Variants in TIAM1 observed in about 807,000 individuals in gnomAD.
TIAM1 encodes the protein TIAM Rac1 associated GEF 1.
TIAM1 carries 65 observed loss-of-function variants against 163.5 expected under a neutral mutation model. That is an observed-to-expected ratio of 0.40 (90% CI 0.33 to 0.49). TIAM1 has a LOEUF of 0.49. Ranked by LOEUF, TIAM1 falls within the 20% of genes least tolerant of loss-of-function variation. The probability of loss-of-function intolerance (pLI) is 0.77; values close to 1 mark genes in which losing one functional copy is unlikely to be tolerated. For missense variants in TIAM1, 1,789 were observed against 2,044.7 expected (o/e 0.87, Z 2.41); for synonymous variants, 833 against 810.1 (o/e 1.03, Z -0.48).
At chr21:31,326,282 C>G (rs1314990134) in intron 2 of TIAM1, among the ~76,000 whole-genome samples, 2 of 152,168 alleles carry the variant, frequency 1.3e-5, no homozygotes, top group Admixed American at 6.6e-5. Context: ...AGTTATGGTC[C>G]TCTCCTGTCT....
intron 1 of TIAM1, among the ~76,000 whole-genome samples, chr21:31,503,305 G>C (rs1389745496): frequency 6.6e-6 from 1 of 151,434 alleles, no homozygotes; most frequent in Non-Finnish European, 1.5e-5. Context: ...TGAGGCACAA[G>C]AATCACTTGA....
At chr21:31,168,608 G>A (rs1424144365) in intron 15 of TIAM1, among the ~76,000 whole-genome samples, 1 of 152,142 alleles carries the variant, frequency 6.6e-6, no homozygotes, top group Non-Finnish European at 1.5e-5. Flanking sequence ...CACCATGTTA[G>A]CCAGGATGGT....
In TIAM1 at chr21:31,465,101, G is replaced by A. The variant is rs114227436; in HGVS notation, c.-421-1066C>T. Among the ~76,000 whole-genome samples, 622 of 151,904 alleles carry A rather than the reference G, an allele frequency of 4.1e-3. 5 individuals carry two copies. The highest frequency in any genetic ancestry group is 0.014 in the African/African-American group (580 of 41,480). On this transcript the variant is annotated intron_variant, in intron 1 of 28. Transcript: ENST00000286827. ...TAGTCCCAGCGACTAGGAAGGCTGC[G>A]GTGAGAGGATTCCCTCAACCTGGGA...
intron 2 of TIAM1, among the ~76,000 whole-genome samples, chr21:31,430,068 G>A (rs900606526): frequency 2.0e-5 from 3 of 151,790 alleles, no homozygotes; most frequent in Non-Finnish European, 2.9e-5. Context: ...TTAGCCAGGC[G>A]TGTTGGCGGG....
rs550025367 is a variant in TIAM1 at position 31,302,249 on chromosome 21, C to T, written c.-188-25341G>A. Among the ~76,000 whole-genome samples the T allele has an allele frequency of 3.9e-5, 6 of 152,152 alleles. No homozygotes were observed. The South Asian group carries it at 1.2e-3, about 32-fold the overall frequency. ...CTTATATAAAATTAAACCTTTACAACACAAAAAGAAACCACTTCCAGTATA... is the reference window on the plus strand; with the variant it reads ...CTTATATAAAATTAAACCTTTACAATACAAAAAGAAACCACTTCCAGTATA... On this transcript the variant is annotated intron_variant, in intron 2 of 27. Transcript: ENST00000541036.
At chr21:31,520,223 C>T (rs1046658628) in intron 1 of TIAM1, among the ~76,000 whole-genome samples, 8 of 151,424 alleles carry the variant, frequency 5.3e-5, no homozygotes, top group South Asian at 2.1e-4. Context: ...CCAAGCTACT[C>T]GGGAGGCTGG....
chr21:31,126,395 C>T (rs919120446), intron 26 of TIAM1, among the ~76,000 whole-genome samples: 5 of 151,920 alleles, frequency 3.3e-5, no homozygotes, highest in East Asian at 1.9e-4. Flanking sequence ...GGTGAAACCC[C>T]GTCTCTATAA....
chr21:31,295,614 C>A (rs555962848), intron 2 of TIAM1, among the ~76,000 whole-genome samples: 1 of 152,024 alleles, frequency 6.6e-6, no homozygotes, highest in East Asian at 1.9e-4. Context: ...GGGAGGCATG[C>A]AACTTAATGA....
intron 2 of TIAM1, among the ~76,000 whole-genome samples, chr21:31,458,552 C>T (rs1275767333): frequency 6.6e-6 from 1 of 152,190 alleles, no homozygotes; most frequent in Admixed American, 6.5e-5. Context: ...ACTGTACTTA[C>T]CAGACACTGT....
At chr21:31,528,473 G>A (rs2047858358) in intron 1 of TIAM1, among the ~76,000 whole-genome samples, 3 of 151,608 alleles carry the variant, frequency 2.0e-5, no homozygotes, top group East Asian at 1.9e-4. Flanking sequence ...AGCTAGGATC[G>A]CGCCTCCATA....
intron 2 of TIAM1, among the ~76,000 whole-genome samples, chr21:31,419,775 G>A (rs2043499221): frequency 6.6e-6 from 1 of 152,218 alleles, no homozygotes; most frequent in East Asian, 1.9e-4. Flanking sequence ...CCTAGACTGA[G>A]CGTGGTGGCT....
chr21:31,548,982 T>C (rs991698116), intron 1 of TIAM1, among the ~76,000 whole-genome samples: 2 of 152,180 alleles, frequency 1.3e-5, no homozygotes, highest in Non-Finnish European at 2.9e-5. Flanking sequence ...AGAGCCTCTG[T>C]ATTAATAAAA....
chr21:31,176,126 G>A lies in TIAM1; in HGVS notation c.2887+6295C>T, dbSNP rs570210982. On this transcript the variant is annotated intron_variant, in intron 15 of 27. Coordinates refer to ENST00000541036, the MANE Select transcript of TIAM1 (RefSeq NM_001353694.2). The stretch of plus-strand genomic sequence containing the variant: ...GGAGGTGGCGTACTATTGTCTCGTA[G>A]TGGCTTGCAGGGGTACTGCTAAACA... Among the ~76,000 whole-genome samples, 3 of 152,268 alleles carry A rather than the reference G, an allele frequency of 2.0e-5. No individual in the cohort carries two copies. The East Asian group carries it at 5.8e-4, about 29-fold the overall frequency.
At chr21:31,333,681 C>T (rs2075751821) in intron 2 of TIAM1, among the ~76,000 whole-genome samples, 1 of 152,212 alleles carries the variant, frequency 6.6e-6, no homozygotes, top group South Asian at 2.1e-4. Context: ...CTCAAGTGAT[C>T]TTCCCACTTC....
rs921951787 is a variant in TIAM1 at position 31,395,003 on chromosome 21, C to T, written c.-368-55581G>A. Among the ~76,000 whole-genome samples, 8 of 152,076 alleles carry T rather than the reference C, an allele frequency of 5.3e-5. No homozygotes were observed. Among genetic ancestry groups the T allele is most frequent in the Non-Finnish European group, 1.2e-4 (8 of 68,010 alleles). ...CTGTAACCCCAGCACTTTGGGAGGC[C>T]AAGGTGGGTGGATCACTTGAGGTCA... is the stretch of plus-strand genomic sequence containing the variant. On this transcript the variant is annotated intron_variant, in intron 2 of 28. Coordinates refer to the TIAM1 transcript ENST00000286827. The surrounding 1 kb of genome is among the most constrained non-coding windows in gnomAD (Gnocchi z 7.5).
chr21:31,373,276 T>C (rs183376136), intron 2 of TIAM1, among the ~76,000 whole-genome samples: 6 of 152,208 alleles, frequency 3.9e-5, no homozygotes. Context: ...GGATACAGGA[T>C]GAGACCCTGT....
chr21:31,176,151 A>G (rs980352385), intron 15 of TIAM1, among the ~76,000 whole-genome samples: 1 of 152,166 alleles, frequency 6.6e-6, no homozygotes, highest in South Asian at 2.1e-4. Context: ...ACTGCTAAAC[A>G]TCAACACACA....
At chr21:31,194,477 G>A (rs1051958919) in intron 13 of TIAM1, among the ~76,000 whole-genome samples, 1 of 152,160 alleles carries the variant, frequency 6.6e-6, no homozygotes, top group African/African-American at 2.4e-5. Context: ...GGGAGGGGGT[G>A]TAAAAGAATA....
chr21:31,202,879 G>C (rs58529332), intron 12 of TIAM1, 29 bp downstream of exon 12: 2 of 1,575,532 alleles, frequency 1.3e-6, no homozygotes, highest in South Asian at 1.1e-5. Context: ...CTCCCATAAA[G>C]TGTGCTTGGA....
Sources: allele counts gnomAD v4.1 joint callset (sites outside exome capture counted in the v4.1 genomes callset), GRCh38; gene constraint gnomAD v4.1.1; non-coding constraint Gnocchi (gnomAD v3.1); transcripts MANE v1.5; gene names NCBI Gene and HGNC (gene_info 2026-07-23, HGNC 2026-07-21).